Variants in TAOK3 observed in about 807,000 individuals in gnomAD.
TAOK3 encodes the protein TAO kinase 3, also known as serine/threonine-protein kinase TAO3.
TAOK3 carries 40 observed loss-of-function variants against 120.4 expected under a neutral mutation model. The observed-to-expected ratio is 0.33, with a 90% CI of 0.26 to 0.43. The LOEUF is 0.43. TAOK3 is among the 20% of genes least tolerant of loss of function. The pLI, the probability that TAOK3 is intolerant of heterozygous loss-of-function variation, is 1.00. For synonymous variants in TAOK3, 355 were observed against 387.5 expected, an observed-to-expected ratio of 0.92 and a Z score of 0.99; for missense variants, 821 against 1,112.1, an observed-to-expected ratio of 0.74 and a Z score of 3.72.
At chr12:118,363,785 A>G (rs1272582010) in intron 1 of TAOK3, among the ~76,000 whole-genome samples, 1 of 151,958 alleles carries the variant, frequency 6.6e-6, no homozygotes, top group Non-Finnish European at 1.5e-5. Context: ...AGACAGACAG[A>G]CAGACACACA....
At chr12:118,296,191 G>A (rs1016378929) in intron 1 of TAOK3, among the ~76,000 whole-genome samples, 1 of 152,142 alleles carries the variant, frequency 6.6e-6, no homozygotes, top group Non-Finnish European at 1.5e-5. Flanking sequence ...TTGTGCAATG[G>A]TGCGATCTTG....
At chr12:118,217,782 T>C (rs1454295788) in intron 9 of TAOK3, among the ~76,000 whole-genome samples, 2 of 115,946 alleles carry the variant, frequency 1.7e-5, no homozygotes, top group African/African-American at 2.9e-5. Context: ...TGTATATATG[T>C]ATATGTATGT....
chr12:118,299,443 T>TG (rs1377040875), intron 1 of TAOK3, among the ~76,000 whole-genome samples: 1 of 152,202 alleles, frequency 6.6e-6, no homozygotes, highest in Non-Finnish European at 1.5e-5. Flanking sequence ...CTACGGTACT[T>TG]AAGGTTTCTG....
chr12:118,161,764 A>T lies in TAOK3; in HGVS notation c.2139+24T>A, dbSNP rs770141259. The stretch of plus-strand genomic sequence containing the variant: ...AGAGAAACCACTGATCTGGTCCAAC[A>T]CTGTCCAGCAGCACAAATCTTACCT... On this transcript the variant is annotated intron_variant, in intron 18 of 20. Transcript: ENST00000392533. This position sits in a 1 kb window ranked among gnomAD's most constrained non-coding sequence, Gnocchi z 4.5. The T allele has an allele frequency of 6.8e-6, 11 of 1,613,488 alleles. No individual in the cohort carries two copies. In the Admixed American group the frequency reaches 1.7e-4, roughly 24 times the overall value.
chr12:118,335,358 C>T (rs918424877), intron 1 of TAOK3, among the ~76,000 whole-genome samples: 1 of 152,040 alleles, frequency 6.6e-6, no homozygotes. Context: ...ACTTTATGCT[C>T]ACAAATTTGA....
rs758994193 is a variant in TAOK3, at chr12:118,201,424, T to C, written c.859A>G (p.Ile287Val). The change falls in exon 12 of 21, where the codon ATT (isoleucine) becomes GTT (valine). Residue 287 changes from isoleucine (I) to valine (V), a missense_variant. Physicochemically the swap from Ile to Val is conservative, Grantham distance 29. Coordinates refer to ENST00000392533, the MANE Select transcript of TAOK3 (RefSeq NM_016281.4). ...VRRDRPLRVL[I>V]DLIQRTKDAV... The stretch of plus-strand genomic sequence containing the variant: ...TCTTTTGTCCTCTGTATGAGGTCAA[T>C]GAGGACACGTAGTGGCCGGTCTCGT... The C allele has an allele frequency of 7.4e-6, 12 of 1,614,036 alleles. No individual in the cohort carries two copies. The highest frequency in any genetic ancestry group is 2.2e-5 in the East Asian group (1 of 44,878).
At chr12:118,185,081 C>T (rs2036993656) in intron 14 of TAOK3, among the ~76,000 whole-genome samples, 1 of 151,000 alleles carries the variant, frequency 6.6e-6, no homozygotes, top group South Asian at 2.1e-4. Context: ...ACAAGTGGAT[C>T]CAGAAGAAGG....
intron 1 of TAOK3, among the ~76,000 whole-genome samples, chr12:118,277,559 C>T (rs1426850288): frequency 6.6e-6 from 1 of 151,772 alleles, no homozygotes; most frequent in African/African-American, 2.4e-5. Context: ...CTCCTGGGTT[C>T]AAGCAATTCT....
At chr12:118,258,650 T>C (rs1383313289) in intron 2 of TAOK3, among the ~76,000 whole-genome samples, 2 of 151,556 alleles carry the variant, frequency 1.3e-5, no homozygotes, top group Non-Finnish European at 2.9e-5. Context: ...AGGCGGAGGT[T>C]GCAGTGAGCC....
In TAOK3 at chr12:118,320,706, T is replaced by C. The variant is rs558864363; in HGVS notation, c.-194+51942A>G. On this transcript the variant is annotated intron_variant, in intron 1 of 20. Transcript: ENST00000392533. ...TAGCACACTGCTTTATACAACTGCT[T>C]AAACAATGCTGTTTAAACTAAAAGA... is the stretch of plus-strand genomic sequence containing the variant. Among the ~76,000 whole-genome samples the C allele has an allele frequency of 3.9e-4, 60 of 152,322 alleles. 1 individual carries two copies. Among genetic ancestry groups the C allele is most frequent in the Admixed American group, 1.8e-3 (27 of 15,306 alleles).
intron 14 of TAOK3, among the ~76,000 whole-genome samples, chr12:118,189,465 C>T (rs2139058311): frequency 1.3e-5 from 2 of 151,236 alleles, no homozygotes; most frequent in Middle Eastern, 3.4e-3. Context: ...AAAAATTGGA[C>T]AGGCTAGCAA....
chr12:118,335,729 G>C (rs1428863394), intron 1 of TAOK3, among the ~76,000 whole-genome samples: 1 of 152,150 alleles, frequency 6.6e-6, no homozygotes. Flanking sequence ...CTACTTGGGA[G>C]GCTGAGGAAG....
intron 19 of TAOK3, among the ~76,000 whole-genome samples, chr12:118,155,231 G>A (rs1192222971): frequency 2.6e-5 from 4 of 152,028 alleles, no homozygotes; most frequent in Admixed American, 1.3e-4. Context: ...CCTGACCTCC[G>A]GTGATCCACC....
In TAOK3 at chr12:118,304,570, G is replaced by T. The variant is rs150690785; in HGVS notation, c.-193-37811C>A. ...TCCCTAAATATTCTTCAACAACTTT[G>T]CATGGTTACAATGTTCTCTTAAAAA... is the stretch of plus-strand genomic sequence containing the variant. On this transcript the variant is annotated intron_variant, in intron 1 of 20. Coordinates refer to ENST00000392533, the MANE Select transcript of TAOK3 (RefSeq NM_016281.4). Among the ~76,000 whole-genome samples, 127 of 152,118 alleles carry T rather than the reference G, an allele frequency of 8.3e-4. 1 individual carries two copies. The highest frequency in any genetic ancestry group is 2.9e-3 in the African/African-American group (121 of 41,480).
intron 1 of TAOK3, among the ~76,000 whole-genome samples, chr12:118,298,866 T>A (rs1157227053): frequency 2.6e-5 from 4 of 152,226 alleles, no homozygotes; most frequent in African/African-American, 9.6e-5. Flanking sequence ...GTTGAGGTTA[T>A]CCTTGTACTT....
At chr12:118,190,970 A>G (rs926030035) in intron 13 of TAOK3, among the ~76,000 whole-genome samples, 1 of 152,234 alleles carries the variant, frequency 6.6e-6, no homozygotes, top group East Asian at 1.9e-4. Context: ...TTAAAATAGT[A>G]CATGTTCAGG....
chr12:118,235,561 T>A lies in TAOK3; in HGVS notation c.548A>T (p.Tyr183Phe), dbSNP rs1318379396. The change falls in exon 8 of 21, where the codon TAC (tyrosine) becomes TTC (phenylalanine). Residue 183 changes from tyrosine to phenylalanine, a missense_variant. Physicochemically the swap from Tyr to Phe is conservative, Grantham distance 22 (BLOSUM62 3). Transcript: ENST00000392533. ...CATATAGCCTAATTCTACATACCAG[T>A]AAGGTGTGCCCACGAAGGAGTTGGC... ...SPANSFVGTP[Y>F]WMAPEVILAM... 1.9e-6 allele frequency: 3 copies of A among 1,612,164 alleles called. No individual in the cohort carries two copies. In the African/African-American group the frequency reaches 4.0e-5, roughly 22 times the overall value.
At chr12:118,245,437 C>T (rs545332392) in intron 3 of TAOK3, among the ~76,000 whole-genome samples, 1 of 152,178 alleles carries the variant, frequency 6.6e-6, no homozygotes, top group East Asian at 1.9e-4. Context: ...CTGCTTCAGC[C>T]TCTCAAGTAA....
chr12:118,253,141 T>C (rs1395115816), intron 3 of TAOK3, among the ~76,000 whole-genome samples: 1 of 152,192 alleles, frequency 6.6e-6, no homozygotes, highest in Non-Finnish European at 1.5e-5. Context: ...ATGGTAGGGC[T>C]GAGCATAGAC....
Sources: allele counts gnomAD v4.1 joint callset (sites outside exome capture counted in the v4.1 genomes callset), GRCh38; gene constraint gnomAD v4.1.1; non-coding constraint Gnocchi (gnomAD v3.1); transcripts MANE v1.5; gene names NCBI Gene and HGNC (gene_info 2026-07-23, HGNC 2026-07-21).